The following FRMD3 variants were observed in gnomAD, a reference collection of about 807,000 sequenced individuals.
FRMD3 encodes FERM domain-containing protein 3.
Under a neutral mutation model 70.2 loss-of-function variants are expected in FRMD3, and 33 were observed. That is an observed-to-expected ratio of 0.47 (90% CI 0.36 to 0.63). The LOEUF (loss-of-function observed/expected upper bound fraction) is 0.63, where lower values mean the gene tolerates loss of function less well. FRMD3 is among the 20% of genes least tolerant of loss of function. The pLI is 0.00. For synonymous variants in FRMD3, 279 were observed against 255.9 expected (o/e 1.09, Z -0.86); for missense variants, 632 against 711.4 (o/e 0.89, Z 1.27).
At chr9:83,583,315 T>C in the FRMD3 span, among the ~76,000 whole-genome samples, 873 of 152,250 alleles carry the variant, frequency 5.7e-3, 14 homozygotes, top group African/African-American at 0.02. Flanking sequence ...CCCCTCAACA[T>C]AGAACCAGAC....
chr9:83,446,414 G>A (rs143613156), intron 1 of FRMD3, among the ~76,000 whole-genome samples: 5,140 of 152,216 alleles, frequency 0.034, 119 homozygotes, highest in Middle Eastern at 0.071. Context: ...TTCGGAGGCC[G>A]AGGCGGGCGG....
In FRMD3 at chr9:83,482,269, G is replaced by C. The variant is rs143651917; in HGVS notation, c.147+55816C>G. Among the ~76,000 whole-genome samples, 1,141 of 152,208 alleles carry C rather than the reference G, an allele frequency of 7.5e-3. 20 individuals carry two copies. The highest frequency in any genetic ancestry group is 0.026 in the African/African-American group (1,098 of 41,524). On this transcript the variant is annotated intron_variant, in intron 1 of 13. Transcript: ENST00000304195. ...GCTCAATTCCCTACCAGATGATTTC[G>C]ACAAAAAACTGTGTATAATTCACAA...
At chr9:83,536,933 A>AAAAAAAAAAAAAAAAAAAAAAAC (rs1829907208) in intron 1 of FRMD3, among the ~76,000 whole-genome samples, 1 of 95,652 alleles carries the variant, frequency 1.0e-5, no homozygotes, top group Non-Finnish European at 2.0e-5. Context: ...ATTACACTAA[A>AAAAAAAAAAAAAAAAAAAAAAAC]AAAAAAAAAA....
At chr9:83,272,006 A>G (rs1333353665) in intron 13 of FRMD3, among the ~76,000 whole-genome samples, 1 of 152,202 alleles carries the variant, frequency 6.6e-6, no homozygotes, top group African/African-American at 2.4e-5. Context: ...AGGAAAGCCA[A>G]CAAGCATGAT....
At chr9:83,461,359 T>C (rs549258939) in intron 1 of FRMD3, among the ~76,000 whole-genome samples, 9 of 152,298 alleles carry the variant, frequency 5.9e-5, no homozygotes, top group African/African-American at 2.2e-4. Flanking sequence ...CACAGCCCTA[T>C]TGACACTGTG....
rs548082238 is a variant in FRMD3 at position 83,427,356 on chromosome 9, C to T, written c.148-37648G>A. 7.5e-4 allele frequency among the ~76,000 whole-genome samples: 115 copies of T among 152,352 alleles called. 1 individual carries two copies. Among genetic ancestry groups the T allele is most frequent in the African/African-American group, 2.7e-3 (113 of 41,578 alleles). On this transcript the variant is annotated intron_variant, in intron 1 of 13. Transcript: ENST00000304195. ...AACCCAAGAGGTTGGAAGGTGCTGA[C>T]TCCACTCCATGTGCTCTTTATAGAG...
At chr9:83,519,038 C>T (rs1829514962) in intron 1 of FRMD3, among the ~76,000 whole-genome samples, 1 of 152,098 alleles carries the variant, frequency 6.6e-6, no homozygotes, top group African/African-American at 2.4e-5. Context: ...CCATAAAAAC[C>T]CTAGAAGAAA....
chr9:83,556,850 TATTGA>T, the FRMD3 span, among the ~76,000 whole-genome samples: 1 of 152,066 alleles, frequency 6.6e-6, no homozygotes, highest in Non-Finnish European at 1.5e-5. Context: ...ATTTTTTCCT[TATTGA>T]ATTAAGTAAA....
In FRMD3 at chr9:83,250,501, C is replaced by G. The variant is rs1314525787; in HGVS notation, c.1196-1985G>C. 2.0e-5 allele frequency among the ~76,000 whole-genome samples: 3 copies of G among 152,182 alleles called. No homozygotes were observed. The East Asian group carries it at 5.8e-4, about 29-fold the overall frequency. The stretch of plus-strand genomic sequence containing the variant: ...TTGAATCCAGGGACCCAGGTAGCCT[C>G]ATTCTGTGGGCCCCACTTCCATGGC... On this transcript the variant is annotated intron_variant, in intron 13 of 13. Coordinates refer to ENST00000304195, the MANE Select transcript of FRMD3 (RefSeq NM_174938.6).
chr9:83,292,010 A>T (rs1834438740), intron 12 of FRMD3, among the ~76,000 whole-genome samples: 1 of 152,086 alleles, frequency 6.6e-6, no homozygotes, highest in Admixed American at 6.6e-5. Flanking sequence ...TTTCTTCATT[A>T]TTTCATTTTA....
At chr9:83,452,997 G>A (rs539301307) in intron 1 of FRMD3, among the ~76,000 whole-genome samples, 4 of 151,952 alleles carry the variant, frequency 2.6e-5, no homozygotes, top group African/African-American at 9.7e-5. Context: ...TGGGATTACA[G>A]TCATGCACCA....
intron 3 of FRMD3, among the ~76,000 whole-genome samples, chr9:83,371,840 G>A (rs1237225702): frequency 6.6e-6 from 1 of 152,190 alleles, no homozygotes; most frequent in Non-Finnish European, 1.5e-5. Context: ...AAGGACCAAG[G>A]GAAGGAGGAA....
chr9:83,404,578 A>G (rs948549084), intron 1 of FRMD3, among the ~76,000 whole-genome samples: 3 of 152,242 alleles, frequency 2.0e-5, no homozygotes, highest in African/African-American at 7.2e-5. Flanking sequence ...CCTCTCAGGG[A>G]TGCACTCGTA....
chr9:83,251,618 C>T (rs901187051), intron 13 of FRMD3, among the ~76,000 whole-genome samples: 1 of 152,110 alleles, frequency 6.6e-6, no homozygotes, highest in Admixed American at 6.5e-5. Flanking sequence ...GTAAGACTCA[C>T]AATGATACAA....
intron 4 of FRMD3, among the ~76,000 whole-genome samples, chr9:83,343,529 T>G (rs1056157854): frequency 3.9e-5 from 6 of 152,040 alleles, no homozygotes; most frequent in Admixed American, 2.0e-4. Flanking sequence ...AGGCTCGGCC[T>G]TTTCAAAGAG....
chr9:83,431,758 A>G (rs1826984349), intron 1 of FRMD3, among the ~76,000 whole-genome samples: 2 of 152,120 alleles, frequency 1.3e-5, no homozygotes, highest in South Asian at 4.2e-4. Flanking sequence ...TGTCTTCTCC[A>G]GTTTTGTGCC....
intron 13 of FRMD3, among the ~76,000 whole-genome samples, chr9:83,250,058 C>A (rs927155354): frequency 6.6e-6 from 1 of 152,150 alleles, no homozygotes; most frequent in Admixed American, 6.5e-5. Context: ...TAAAAAGGGG[C>A]TAGTAAATGC....
intron 1 of FRMD3, among the ~76,000 whole-genome samples, chr9:83,536,257 C>G (rs1829889520): frequency 6.6e-6 from 1 of 152,194 alleles, no homozygotes; most frequent in African/African-American, 2.4e-5. Flanking sequence ...TGTTGTTAGA[C>G]TGGCTACAAT....
intron 1 of FRMD3, among the ~76,000 whole-genome samples, chr9:83,483,996 G>A (rs75105063): frequency 0.019 from 2,907 of 152,320 alleles, 92 homozygotes; most frequent in African/African-American, 0.065. Flanking sequence ...TAGGCCTTCT[G>A]AGTCACTAAA....
Sources: gnomAD v4.1 joint callset for allele counts (sites outside exome capture counted in the v4.1 genomes callset) on GRCh38, gnomAD v4.1.1 for gene constraint, MANE v1.5 for transcripts, NCBI Gene and HGNC (gene_info 2026-07-23, HGNC 2026-07-21) for gene names.